The following CNTN5 variants were observed in gnomAD, a reference collection of about 807,000 sequenced individuals.
CNTN5 encodes contactin 5, also known as contactin-5.
CNTN5 carries 77 observed loss-of-function variants against 129.1 expected under a neutral mutation model. The observed-to-expected ratio is 0.60, with a 90% CI of 0.50 to 0.72. The LOEUF (loss-of-function observed/expected upper bound fraction) is 0.72. Among genes scored for constraint, CNTN5 ranks in the 30% least tolerant of loss-of-function variants. The probability of loss-of-function intolerance (pLI) is 0.00; values close to 1 mark genes in which losing one functional copy is unlikely to be tolerated. For missense variants in CNTN5, 1,478 were observed against 1,328.8 expected (o/e 1.11, Z -1.75); for synonymous variants, 509 against 465.6 (o/e 1.09, Z -1.20).
At chr11:99,635,184 T>C (rs1951506105) in intron 3 of CNTN5, among the ~76,000 whole-genome samples, 1 of 152,194 alleles carries the variant, frequency 6.6e-6, no homozygotes, top group African/African-American at 2.4e-5. Context: ...CTTCAACATG[T>C]AGGTTACTTA....
At chr11:99,706,785 A>G (rs1954773549) in intron 3 of CNTN5, among the ~76,000 whole-genome samples, 1 of 150,996 alleles carries the variant, frequency 6.6e-6, no homozygotes, top group East Asian at 2.0e-4. Context: ...TTAATGACCA[A>G]AAGACAGAGG....
At chr11:99,434,526 A>G (rs1175566008) in intron 2 of CNTN5, among the ~76,000 whole-genome samples, 1 of 152,186 alleles carries the variant, frequency 6.6e-6, no homozygotes, top group Admixed American at 6.6e-5. Flanking sequence ...TGCTATGCCC[A>G]GAAGTCTTTA....
intron 19 of CNTN5, 122 bp downstream of exon 19, chr11:100,297,817 A>T (rs1487005197): frequency 1.4e-6 from 1 of 724,722 alleles, no homozygotes; most frequent in Non-Finnish European, 2.3e-6. Flanking sequence ...CAGTGGGAGG[A>T]AGGAATGAAC....
At chr11:99,798,748 CTCT>C (rs1430398807) in intron 3 of CNTN5, among the ~76,000 whole-genome samples, 1 of 152,028 alleles carries the variant, frequency 6.6e-6, no homozygotes, top group Non-Finnish European at 1.5e-5. Context: ...GCTATTTGAG[CTCT>C]TCTTTGGTTC....
chr11:99,885,959 C>A (rs1948891190), intron 6 of CNTN5, among the ~76,000 whole-genome samples: 1 of 152,090 alleles, frequency 6.6e-6, no homozygotes, highest in Non-Finnish European at 1.5e-5. Flanking sequence ...AACATTTCTA[C>A]AGAGAAAATA....
At chr11:99,839,187 TGAG>T (rs1459677322) in intron 4 of CNTN5, among the ~76,000 whole-genome samples, 2 of 152,042 alleles carry the variant, frequency 1.3e-5, no homozygotes, top group Admixed American at 1.3e-4. Context: ...TTGAAAATAA[TGAG>T]GAAAGAAATA....
intron 13 of CNTN5, among the ~76,000 whole-genome samples, chr11:100,140,979 G>GTTC (rs1946682151): frequency 1.3e-5 from 2 of 152,122 alleles, no homozygotes; most frequent in Non-Finnish European, 1.5e-5. Flanking sequence ...GCGTTGTACA[G>GTTC]AAATAATGTT....
At chr11:100,340,757 A>C (rs772099532) in intron 22 of CNTN5, 108 bp downstream of exon 22, 26 of 988,418 alleles carry the variant, frequency 2.6e-5, no homozygotes, top group Non-Finnish European at 3.8e-5. Context: ...GGGAGTTTTG[A>C]TTCATAGTCT....
chr11:100,119,042 CA>C (rs5794038), intron 13 of CNTN5, among the ~76,000 whole-genome samples: 41 of 142,734 alleles, frequency 2.9e-4, no homozygotes, highest in African/African-American at 9.1e-4. Flanking sequence ...AAGACTGGTT[CA>C]AAAAAAAAAC....
intron 13 of CNTN5, among the ~76,000 whole-genome samples, chr11:100,185,094 G>A (rs1948258625): frequency 6.6e-6 from 1 of 152,078 alleles, no homozygotes; most frequent in African/African-American, 2.4e-5. Context: ...CCCCATTCAT[G>A]AAGACTGTGA....
At chr11:99,186,532 T>A (rs1291752091) in intron 1 of CNTN5, among the ~76,000 whole-genome samples, 1 of 152,064 alleles carries the variant, frequency 6.6e-6, no homozygotes, top group Non-Finnish European at 1.5e-5. Context: ...TAAGAAAGTT[T>A]TTTATTTTAA....
intron 3 of CNTN5, among the ~76,000 whole-genome samples, chr11:99,717,660 CAT>C (rs1943022276): frequency 6.6e-6 from 1 of 151,914 alleles, no homozygotes; most frequent in Admixed American, 6.6e-5. Flanking sequence ...TCAGAGGTAA[CAT>C]ATGGATGTCT....
intron 3 of CNTN5, among the ~76,000 whole-genome samples, chr11:99,584,464 GC>G (rs1949724860): frequency 6.6e-6 from 1 of 152,144 alleles, no homozygotes; most frequent in Non-Finnish European, 1.5e-5. Context: ...TTATTGGCCT[GC>G]TTTATTCTCT....
chr11:100,018,250 G>A (rs987107141), intron 9 of CNTN5, among the ~76,000 whole-genome samples: 17 of 151,874 alleles, frequency 1.1e-4, no homozygotes, highest in African/African-American at 3.6e-4. Context: ...CACATAATAA[G>A]CATATCCAGT....
At chr11:99,773,655 AT>A (rs1411367263) in intron 3 of CNTN5, among the ~76,000 whole-genome samples, 3 of 151,986 alleles carry the variant, frequency 2.0e-5, no homozygotes, top group Non-Finnish European at 4.4e-5. Context: ...ATTAGCAATA[AT>A]TTTTTAAAGT....
At chr11:99,130,586 G>T (rs61893382) in intron 1 of CNTN5, among the ~76,000 whole-genome samples, 2 of 151,986 alleles carry the variant, frequency 1.3e-5, no homozygotes, top group Non-Finnish European at 2.9e-5. Flanking sequence ...ATCAGGACTC[G>T]AACTCAGCTC....
At chr11:100,124,995 G>A (rs558357130) in intron 13 of CNTN5, among the ~76,000 whole-genome samples, 1 of 152,160 alleles carries the variant, frequency 6.6e-6, no homozygotes, top group African/African-American at 2.4e-5. Flanking sequence ...TGATTCTGTA[G>A]ATCTGGGGCG....
intron 1 of CNTN5, among the ~76,000 whole-genome samples, chr11:99,068,384 A>G (rs1385368868): frequency 6.6e-6 from 1 of 152,200 alleles, no homozygotes; most frequent in Admixed American, 6.5e-5. Context: ...GACATTTTAG[A>G]TGAAAGCGGA....
chr11:99,573,332 C>A (rs554614665), intron 3 of CNTN5, among the ~76,000 whole-genome samples: 7 of 151,836 alleles, frequency 4.6e-5, no homozygotes, highest in African/African-American at 1.4e-4. Flanking sequence ...GCACTTTGGG[C>A]GGCCTAGGCG....
Sources: gnomAD v4.1 joint callset for allele counts (sites outside exome capture counted in the v4.1 genomes callset) on GRCh38, gnomAD v4.1.1 for gene constraint, MANE v1.5 for transcripts, NCBI Gene and HGNC (gene_info 2026-07-23, HGNC 2026-07-21) for gene names.